MSI2: variants seen among roughly 807,000 people sequenced by gnomAD.
MSI2 encodes the protein musashi RNA binding protein 2.
In MSI2, 17 loss-of-function variants were observed where a neutral mutation model predicts 45.6. The ratio of observed to expected loss-of-function variants is 0.37; its 90% CI spans 0.26 to 0.56. MSI2 has a LOEUF of 0.56. Among genes scored for constraint, MSI2 ranks in the 20% least tolerant of loss-of-function variants. MSI2 has a pLI of 0.77. For synonymous variants in MSI2, 156 were observed against 158.2 expected (o/e 0.99, Z 0.11); for missense variants, 293 against 444.2 (o/e 0.66, Z 3.06).
At chr17:57,382,713 C>G (rs1431749326) in intron 5 of MSI2, among the ~76,000 whole-genome samples, 1 of 152,192 alleles carries the variant, frequency 6.6e-6, no homozygotes, top group Admixed American at 6.5e-5. Context: ...ACAGTGGTCC[C>G]AGTTATTACT....
intron 11 of MSI2, among the ~76,000 whole-genome samples, chr17:57,673,330 T>A (rs1251171030): frequency 2.0e-5 from 3 of 151,874 alleles, no homozygotes; most frequent in Admixed American, 6.5e-5. Flanking sequence ...AAGCCAGGAG[T>A]GACCCCACCT....
chr17:57,504,239 T>C (rs374973112), intron 6 of MSI2, among the ~76,000 whole-genome samples: 15 of 152,190 alleles, frequency 9.9e-5, no homozygotes, highest in African/African-American at 3.6e-4. Flanking sequence ...AGCCTCCTTG[T>C]TGCTAGCTCT....
Position 57,317,952 on chromosome 17 carries a change from C to T in MSI2, c.312+55760C>T, listed in dbSNP as rs545853695. The stretch of plus-strand genomic sequence containing the variant: ...TCACTTGAGGCCAGGAGTTTGAGAC[C>T]AGCCTGGCCAACATGGTGAAACCCC... On this transcript the variant is annotated intron_variant, in intron 5 of 13. Coordinates refer to ENST00000284073, the MANE Select transcript of MSI2 (RefSeq NM_138962.4). Among the ~76,000 whole-genome samples, 11 of 152,162 alleles carry T rather than the reference C, an allele frequency of 7.2e-5. No individual in the cohort carries two copies. In the South Asian group the frequency reaches 1.9e-3, roughly 26 times the overall value.
intron 5 of MSI2, among the ~76,000 whole-genome samples, chr17:57,370,217 G>A (rs1006091629): frequency 1.3e-5 from 2 of 152,162 alleles, no homozygotes; most frequent in Non-Finnish European, 2.9e-5. Flanking sequence ...GGCCTGCCCT[G>A]GTGCCTAAGG....
chr17:57,620,656 C>A (rs964956680), intron 9 of MSI2, among the ~76,000 whole-genome samples: 24 of 152,114 alleles, frequency 1.6e-4, no homozygotes, highest in Non-Finnish European at 5.9e-5. Flanking sequence ...GACTCCCAGC[C>A]CAAGGAGTTT....
At chr17:57,462,647 A>G (rs1315389331) in intron 6 of MSI2, among the ~76,000 whole-genome samples, 5 of 152,236 alleles carry the variant, frequency 3.3e-5, no homozygotes, top group African/African-American at 7.2e-5. Flanking sequence ...AGAGCAGGAC[A>G]TTCTCCTGAA....
At chr17:57,569,667 T>C (rs1039934968) in intron 7 of MSI2, among the ~76,000 whole-genome samples, 11 of 152,224 alleles carry the variant, frequency 7.2e-5, no homozygotes, top group Non-Finnish European at 1.0e-4. Context: ...AGTGAAAAGA[T>C]TGAAAAATAC....
At chr17:57,263,080 T>C (rs17833884) in intron 5 of MSI2, among the ~76,000 whole-genome samples, 10,111 of 152,310 alleles carry the variant, frequency 0.066, 460 homozygotes, top group Middle Eastern at 0.16. Context: ...CGGAAAAGGT[T>C]GTGGCTTTAG....
chr17:57,368,227 T>C (rs745575634), intron 5 of MSI2, among the ~76,000 whole-genome samples: 2 of 152,218 alleles, frequency 1.3e-5, no homozygotes, highest in African/African-American at 4.8e-5. Flanking sequence ...TGGTGGCTAA[T>C]GGAATATGTG....
At chr17:57,591,729 CAAAAAAA>C (rs60682470) in intron 7 of MSI2, among the ~76,000 whole-genome samples, 1 of 69,504 alleles carries the variant, frequency 1.4e-5, no homozygotes, top group African/African-American at 4.8e-5. Flanking sequence ...AACCCTGTCT[CAAAAAAA>C]AAAAAAAAAA....
At chr17:57,365,453 A>G (rs1321084732) in intron 5 of MSI2, among the ~76,000 whole-genome samples, 1 of 152,060 alleles carries the variant, frequency 6.6e-6, no homozygotes, top group Non-Finnish European at 1.5e-5. Flanking sequence ...CGTGGAGCTC[A>G]CAGGAAAGTG....
At chr17:57,262,825 T>C (rs1355653251) in intron 5 of MSI2, among the ~76,000 whole-genome samples, 4 of 152,206 alleles carry the variant, frequency 2.6e-5, no homozygotes, top group Admixed American at 2.6e-4. Flanking sequence ...AGAATTGAGA[T>C]AGGGCTTCAC....
At chr17:57,315,470 G>A (rs1349615985) in intron 5 of MSI2, among the ~76,000 whole-genome samples, 1 of 152,138 alleles carries the variant, frequency 6.6e-6, no homozygotes, top group African/African-American at 2.4e-5. Flanking sequence ...CAGATATGCG[G>A]GTGGAAGAGG....
chr17:57,537,235 T>C (rs889602189), intron 7 of MSI2, among the ~76,000 whole-genome samples: 2 of 152,084 alleles, frequency 1.3e-5, no homozygotes, highest in African/African-American at 4.8e-5. Flanking sequence ...GTGGGCTCAT[T>C]CTAAAGCTGG....
intron 6 of MSI2, among the ~76,000 whole-genome samples, chr17:57,483,223 A>G (rs574201809): frequency 6.6e-6 from 1 of 152,300 alleles, no homozygotes; most frequent in Admixed American, 6.5e-5. Context: ...TTCTGCTTAT[A>G]GAGTAGCCAT....
chr17:57,614,082 G>A (rs560771342), intron 8 of MSI2, among the ~76,000 whole-genome samples: 2 of 151,736 alleles, frequency 1.3e-5, no homozygotes, highest in African/African-American at 4.8e-5. Context: ...ATAGAGTCTC[G>A]CTCTGTCGCC....
At chr17:57,497,257 A>G (rs1228060175) in intron 6 of MSI2, among the ~76,000 whole-genome samples, 6 of 152,226 alleles carry the variant, frequency 3.9e-5, no homozygotes, top group African/African-American at 1.2e-4. Context: ...GATTACAGGC[A>G]TGAGCCACTG....
the MSI2 span, among the ~76,000 whole-genome samples, chr17:57,697,408 G>C: frequency 6.6e-6 from 1 of 151,406 alleles, no homozygotes; most frequent in Non-Finnish European, 1.5e-5. Flanking sequence ...CTCAGTCTTC[G>C]CCCACACTCT....
Position 57,616,017 on chromosome 17 carries a change from G to C in MSI2, c.585G>C (p.Gly195=), listed in dbSNP as rs370326926. The change falls in exon 9 of 14, where the codon GGG becomes GGC. Residue 195 remains glycine, a synonymous_variant. Coordinates refer to ENST00000284073, the MANE Select transcript of MSI2 (RefSeq NM_138962.4). ...CGAAAGAAGTCATGTTCCCACCTGG[G>C]ACAAGAGGCCGGGCCCGGGGACTGC... ...AQPKEVMFPP[G]TRGRARGLPY... is the part of the protein sequence containing the mutation. The C allele has an allele frequency of 6.2e-7, 1 of 1,614,180 alleles. No individual in the cohort carries two copies. Among genetic ancestry groups the C allele is most frequent in the Non-Finnish European group, 8.5e-7 (1 of 1,180,018 alleles).
Sources: allele counts gnomAD v4.1 joint callset (sites outside exome capture counted in the v4.1 genomes callset), GRCh38; gene constraint gnomAD v4.1.1; transcripts MANE v1.5; gene names NCBI Gene and HGNC (gene_info 2026-07-23, HGNC 2026-07-21).